SLC22A11: variants seen among roughly 807,000 people sequenced by gnomAD.
The protein encoded by SLC22A11 is solute carrier family 22 member 11, also known as organic anion transporter 4.
SLC22A11 carries 42 observed loss-of-function variants against 49.4 expected under a neutral mutation model. The observed-to-expected ratio is 0.85, with a 90% confidence interval of 0.66 to 1.10. The LOEUF (loss-of-function observed/expected upper bound fraction) is 1.10, where lower values mean the gene tolerates loss of function less well. Among genes scored for constraint, SLC22A11 ranks in the 50% least tolerant of loss-of-function variants. The probability of loss-of-function intolerance (pLI) is 0.00; values close to 1 mark genes in which losing one functional copy is unlikely to be tolerated. For missense variants in SLC22A11, 685 were observed against 731.6 expected (o/e 0.94, Z 0.74); for synonymous variants, 304 against 315.8 (o/e 0.96, Z 0.40).
chr11:64,562,324 C>T lies in SLC22A11; in HGVS notation c.710C>T (p.Ala237Val). ...RAVTMTVVGCAFSAGQAALGG... is the reference protein window; with the variant it reads ...RAVTMTVVGCVFSAGQAALGG... ...GTCACCATGACGGTGGTGGGATGTG[C>T]CTTCAGCGCAGGCCAGGCGGCGCTG... Residue 237 changes from alanine to valine, a missense_variant, in exon 4 of 10, where the codon GCC becomes GTC. Transcript: ENST00000301891. The surrounding 1 kb of genome is among the most constrained non-coding windows in gnomAD (Gnocchi z 4.4). 1 of 1,611,358 alleles carries T rather than the reference C, an allele frequency of 6.2e-7. No individual in the cohort carries two copies. The highest frequency in any genetic ancestry group is 8.5e-7 in the Non-Finnish European group (1 of 1,178,788).
intron 6 of SLC22A11, 97 bp from the exon 7 acceptor site, chr11:64,567,502 C>T: frequency 8.5e-7 from 1 of 1,176,086 alleles, no homozygotes; most frequent in Non-Finnish European, 1.2e-6. Flanking sequence ...CGGGGTTGGC[C>T]ATGTCCTCCC....
rs944598008 is a variant in SLC22A11 at position 64,572,820 on chromosome 11, G to A, written c.*1778G>A. Reference sequence around the variant, plus strand: ...ACTTCGGTAAATTTTAAAGGATTCGGATCATACAAAGAATGTTCTTGAACC... The same window carrying A: ...ACTTCGGTAAATTTTAAAGGATTCGAATCATACAAAGAATGTTCTTGAACC... On this transcript the variant is annotated 3_prime_UTR_variant, in exon 10 of 10. Transcript: ENST00000301891. 6.6e-6 allele frequency: 1 copy of A among 152,166 alleles called. No homozygotes were observed. The highest frequency in any genetic ancestry group is 2.4e-5 in the African/African-American group (1 of 41,424). 9.4% of individuals were successfully genotyped at this position (152,166 alleles called of 1,614,324 possible).
At chr11:64,568,015 G>T in intron 7 of SLC22A11, among the ~76,000 whole-genome samples, 1 of 152,252 alleles carries the variant, frequency 6.6e-6, no homozygotes, top group East Asian at 1.9e-4. Flanking sequence ...GAAAGGGACA[G>T]GGCGGCACGT....
chr11:64,565,815 C>A lies in SLC22A11; in HGVS notation c.1058+478C>A. 3.0e-6 allele frequency: 1 copy of A among 331,920 alleles called. No homozygotes were observed. Among genetic ancestry groups the A allele is most frequent in the Non-Finnish European group, 6.0e-6 (1 of 165,988 alleles). 20.6% of individuals were successfully genotyped at this position (331,920 alleles called of 1,614,324 possible). The stretch of plus-strand genomic sequence containing the variant: ...AAGAGGATCCCAGAGGGGTAAGGAA[C>A]AAGCCCAAAATAATAGAGCCTGCAT... On this transcript the variant is annotated intron_variant, in intron 6 of 9. Coordinates refer to ENST00000301891, the MANE Select transcript of SLC22A11 (RefSeq NM_018484.4). The surrounding 1 kb of genome is among the most constrained non-coding windows in gnomAD (Gnocchi z 4.1).
At chr11:64,558,167 C>T (rs917115646) in intron 1 of SLC22A11, among the ~76,000 whole-genome samples, 4 of 152,190 alleles carry the variant, frequency 2.6e-5, no homozygotes, top group South Asian at 2.1e-4. Flanking sequence ...ATTCCTGAGC[C>T]GAAAGGATCC....
At chr11:64,563,279 T>C (rs1458610041) in intron 4 of SLC22A11, among the ~76,000 whole-genome samples, 1 of 152,056 alleles carries the variant, frequency 6.6e-6, no homozygotes, top group African/African-American at 2.4e-5. Flanking sequence ...ACACACCTTC[T>C]AATAAGTAAG....
chr11:64,566,909 A>G (rs2038632863), intron 6 of SLC22A11, among the ~76,000 whole-genome samples: 1 of 152,118 alleles, frequency 6.6e-6, no homozygotes, highest in South Asian at 2.1e-4. Flanking sequence ...GAATTTAAAT[A>G]CCGTAAATTC....
Position 64,562,345 on chromosome 11 carries a change from C to T in SLC22A11, c.731C>T (p.Ala244Val), listed in dbSNP as rs748391722. ...VGCAFSAGQA[A>V]LGGLAFALRD... The stretch of plus-strand genomic sequence containing the variant: ...TGTGCCTTCAGCGCAGGCCAGGCGG[C>T]GCTGGGCGGCCTGGCCTTTGCCCTG... The change falls in exon 4 of 10, where the codon GCG (alanine) becomes GTG (valine). Residue 244 changes from alanine to valine, a missense_variant. Transcript: ENST00000301891. This position sits in a 1 kb window ranked among gnomAD's most constrained non-coding sequence, Gnocchi z 4.4. The T allele has an allele frequency of 1.5e-5, 24 of 1,611,178 alleles. No individual in the cohort carries two copies. In the Admixed American group the frequency reaches 1.5e-4, roughly 10 times the overall value.
Position 64,557,798 on chromosome 11 carries a change from AT to A in SLC22A11, c.394-1320del, listed in dbSNP as rs71049648. On this transcript the variant is annotated intron_variant, in intron 1 of 9. Transcript: ENST00000301891. ...AGGCACATACCACCATGCCCAGCTA[AT>A]TTTTTTTTTTTTTTTTGAGACTGAG... Among the ~76,000 whole-genome samples, 381 of 133,318 alleles carry A rather than the reference AT, an allele frequency of 2.9e-3. 1 individual carries two copies. Among genetic ancestry groups the A allele is most frequent in the Middle Eastern group, 0.011 (3 of 268 alleles). The allele number at this position is 133,318 out of a possible 152,430, so 87.5% of individuals were successfully genotyped here. A position where few individuals can be genotyped will look rare whatever the true frequency, so the allele number is the denominator to read the frequency against.
intron 2 of SLC22A11, among the ~76,000 whole-genome samples, chr11:64,561,448 CT>C (rs1403728646): frequency 9.9e-5 from 15 of 152,036 alleles, no homozygotes; most frequent in Admixed American, 8.5e-4. Context: ...AACCTGTGTT[CT>C]TTTTTATTTA....
chr11:64,557,591 T>TGCGGG lies in SLC22A11; in HGVS notation c.393+1201_393+1205dup, dbSNP rs539784728. Among the ~76,000 whole-genome samples the TGCGGG allele has an allele frequency of 5.8e-3, 876 of 150,290 alleles. 7 individuals carry two copies. The highest frequency in any genetic ancestry group is 0.02 in the African/African-American group (824 of 40,796). On this transcript the variant is annotated intron_variant, in intron 1 of 9. Coordinates refer to ENST00000301891, the MANE Select transcript of SLC22A11 (RefSeq NM_018484.4). ...CAGGTGCTGAGGGGCCAGAAGCAGG[T>TGCGGG]GCGGGGACATGCTCTGGAGCTGGGA... is the stretch of plus-strand genomic sequence containing the variant.
Position 64,561,616 on chromosome 11 carries a change from T to C in SLC22A11, c.498-388T>C, listed in dbSNP as rs868686086. On this transcript the variant is annotated intron_variant, in intron 2 of 9. Transcript: ENST00000301891. ...GACACCTGGCTAATTTATTTATTTA[T>C]TTATTTATTTATTTATTTATTTATT... 6.8e-3 allele frequency among the ~76,000 whole-genome samples: 901 copies of C among 132,616 alleles called. 8 individuals are homozygous for C. The highest frequency in any genetic ancestry group is 0.034 in the African/African-American group (844 of 24,574). 87.0% of individuals were successfully genotyped at this position (132,616 alleles called of 152,430 possible).
In SLC22A11 at chr11:64,567,590, T is replaced by C. The variant is rs761053357; in HGVS notation, c.1059-9T>C. On this transcript the variant is annotated splice_polypyrimidine_tract_variant and intron_variant, in intron 6 of 9. Transcript: ENST00000301891. ...AGGGCAGGGACCTGACTTCCAGCCTTGCCCGCAGTTTCTCTCTATTGATCT... is the reference window on the plus strand; with the variant it reads ...AGGGCAGGGACCTGACTTCCAGCCTCGCCCGCAGTTTCTCTCTATTGATCT... 4 of 1,613,246 alleles carry C rather than the reference T, an allele frequency of 2.5e-6. No individual in the cohort carries two copies. In the South Asian group the frequency reaches 4.4e-5, roughly 18 times the overall value.
intron 9 of SLC22A11, among the ~76,000 whole-genome samples, chr11:64,570,252 A>G (rs1166800281): frequency 6.6e-6 from 1 of 152,242 alleles, no homozygotes; most frequent in Non-Finnish European, 1.5e-5. Context: ...ATTTTCCCAC[A>G]AAGAATTTCA....
At chr11:64,568,639 A>C in intron 7 of SLC22A11, 31 bp from the exon 8 acceptor site, 1 of 1,594,524 alleles carries the variant, frequency 6.3e-7, no homozygotes, top group Non-Finnish European at 8.6e-7. Context: ...CTCCAGGGCA[A>C]ACCCCACTCT....
chr11:64,568,863 A>G, intron 8 of SLC22A11, 85 bp downstream of exon 8: 13 of 1,258,080 alleles, frequency 1.0e-5, no homozygotes, highest in South Asian at 2.4e-5. Flanking sequence ...TCTGGCAGCC[A>G]GGGAAATGCA....
Position 64,567,783 on chromosome 11 carries a change from G to T in SLC22A11, c.1243G>T (p.Ala415Ser), listed in dbSNP as rs1267932454. The change falls in exon 7 of 10, where the codon GCC (alanine) becomes TCC (serine). Residue 415 changes from alanine to serine, a missense_variant. Physicochemically the swap from Ala to Ser is moderately conservative, Grantham distance 99 (BLOSUM62 1). Transcript: ENST00000301891. ...QAGSQAMAGL[A>S]ILANMLVPQD... ...GGGTTCCCAGGCCATGGCCGGCCTC[G>T]CCATTCTAGCCAACATGCTGGTGCC... The T allele has an allele frequency of 1.2e-6, 2 of 1,606,662 alleles. No individual in the cohort carries two copies. Among genetic ancestry groups the T allele is most frequent in the Non-Finnish European group, 1.7e-6 (2 of 1,177,632 alleles).
In SLC22A11 at chr11:64,556,257, C is replaced by T. The variant is rs1565118848; in HGVS notation, c.258C>T (p.Arg86=). The T allele has an allele frequency of 6.2e-7, 1 of 1,613,918 alleles. No homozygotes were observed. The highest frequency in any genetic ancestry group is 1.6e-4 in the Middle Eastern group (1 of 6,062). ...CCAACCAGGGGCCCCACCAGTGCCG[C>T]CGCTTCCGCCAGCCACAGTGGCAGC... The part of the protein sequence containing the change: ...PGPNQGPHQC[R]RFRQPQWQLL... Residue 86 remains arginine (R), a synonymous_variant, in exon 1 of 10, where the codon CGC becomes CGT. Transcript: ENST00000301891.
Position 64,567,680 on chromosome 11 carries a change from C to T in SLC22A11, c.1140C>T (p.Leu380=), listed in dbSNP as rs1158034330. The T allele has an allele frequency of 6.2e-7, 1 of 1,613,948 alleles. No homozygotes were observed. Among genetic ancestry groups the T allele is most frequent in the African/African-American group, 1.3e-5 (1 of 74,946 alleles). Residue 380 remains leucine (L), a synonymous_variant, in exon 7 of 10, where the codon CTC becomes CTT. Coordinates refer to ENST00000301891, the MANE Select transcript of SLC22A11 (RefSeq NM_018484.4). ...LGRDIFLLQA[L]FGAVDFLGRA... Reference sequence around the variant, plus strand: ...GTGACATCTTCCTCCTCCAGGCCCTCTTCGGGGCCGTGGACTTCCTGGGCC... The same window carrying T: ...GTGACATCTTCCTCCTCCAGGCCCTTTTCGGGGCCGTGGACTTCCTGGGCC...
Sources: allele counts gnomAD v4.1 joint callset (sites outside exome capture counted in the v4.1 genomes callset), GRCh38; gene constraint gnomAD v4.1.1; non-coding constraint Gnocchi (gnomAD v3.1); transcripts MANE v1.5; gene names NCBI Gene and HGNC (gene_info 2026-07-23, HGNC 2026-07-21).